Variants in SCNN1G observed in about 807,000 individuals in gnomAD.
The protein encoded by SCNN1G is epithelial sodium channel subunit gamma.
A neutral mutation model predicts 64.6 loss-of-function variants in SCNN1G; 27 were observed. That is an observed-to-expected ratio of 0.42 (90% CI 0.31 to 0.58). The LOEUF (loss-of-function observed/expected upper bound fraction) is 0.58. SCNN1G is among the 20% of genes least tolerant of loss of function. The pLI is 0.18. For missense variants in SCNN1G, 743 were observed against 823.4 expected (o/e 0.90, Z 1.19); for synonymous variants, 330 against 314.2 (o/e 1.05, Z -0.53).
rs1356414495 is a variant in SCNN1G at position 23,216,545 on chromosome 16, C to T, written c.*1076C>T. On this transcript the variant is annotated 3_prime_UTR_variant, in exon 13 of 13. Transcript: ENST00000300061. The stretch of plus-strand genomic sequence containing the variant: ...AGGGTGTTAGGTACTGTTTTAAGCA[C>T]CTAGATAGGTTAGCATAGGGGACTG... 1 of 152,154 alleles carries T rather than the reference C, an allele frequency of 6.6e-6. No individual in the cohort carries two copies. Among genetic ancestry groups the T allele is most frequent in the Non-Finnish European group, 1.5e-5 (1 of 68,018 alleles). 9.4% of individuals were successfully genotyped at this position (152,154 alleles called of 1,614,324 possible).
In SCNN1G at chr16:23,213,069, C is replaced by A. The variant is rs762011860; in HGVS notation, c.1432-33C>A. On this transcript the variant is annotated intron_variant, in intron 10 of 12. Coordinates refer to ENST00000300061, the MANE Select transcript of SCNN1G (RefSeq NM_001039.4). ...GAGGCTGGCCCTAGCCTCTCAGGCA[C>A]CCTCAGGCCCACGCTTTCTCTCTCC... The A allele has an allele frequency of 4.4e-6, 7 of 1,603,232 alleles. No individual in the cohort carries two copies. In the South Asian group the frequency reaches 4.4e-5, roughly 10 times the overall value.
chr16:23,192,581 G>A, intron 4 of SCNN1G, 39 bp downstream of exon 4: 2 of 1,552,476 alleles, frequency 1.3e-6, no homozygotes, highest in Non-Finnish European at 1.8e-6. Flanking sequence ...TCTAAGGACT[G>A]GCAGCTCTGA....
At chr16:23,191,417 C>T (rs367827799) in intron 3 of SCNN1G, among the ~76,000 whole-genome samples, 6 of 150,902 alleles carry the variant, frequency 4.0e-5, no homozygotes, top group African/African-American at 1.5e-4. Flanking sequence ...CCAAAATCAA[C>T]TCTTTATATA....
intron 6 of SCNN1G, among the ~76,000 whole-genome samples, chr16:23,209,136 C>T (rs1363901349): frequency 1.3e-5 from 2 of 152,100 alleles, no homozygotes; most frequent in Admixed American, 6.6e-5. Context: ...CCACTTCATC[C>T]TCTTTTTTAA....
At chr16:23,211,303 T>C (rs11643449) in intron 7 of SCNN1G, among the ~76,000 whole-genome samples, 32,234 of 152,220 alleles carry the variant, frequency 0.21, 3,535 homozygotes, top group African/African-American at 0.25. Flanking sequence ...ATAAGCTCCA[T>C]GGATATTGTG....
At chr16:23,197,521 T>C in intron 6 of SCNN1G, 94 bp downstream of exon 6, 1 of 1,171,176 alleles carries the variant, frequency 8.5e-7, no homozygotes, top group Admixed American at 1.8e-5. Context: ...GAAAAGGGTG[T>C]TTGTTTCAAA....
rs200985912 is a variant in SCNN1G, at chr16:23,189,452, G to A, written c.399G>A (p.Glu133=). 237 of 1,614,178 alleles carry A rather than the reference G, an allele frequency of 1.5e-4. No homozygotes were observed. The highest frequency in any genetic ancestry group is 1.8e-4 in the Non-Finnish European group (210 of 1,180,022). The part of the protein sequence containing the change: ...EALKSLYGFP[E]SRKRREAESW... ...TGAAGTCCCTGTATGGCTTTCCAGA[G>A]TCCCGGAAGCGCCGAGAGGCGGAGT... Residue 133 remains glutamate (E), a synonymous_variant, in exon 3 of 13, where the codon GAG becomes GAA. Transcript: ENST00000300061.
intron 6 of SCNN1G, among the ~76,000 whole-genome samples, chr16:23,207,369 C>T (rs1034466213): frequency 1.2e-4 from 18 of 152,222 alleles, no homozygotes; most frequent in Non-Finnish European, 1.8e-4. Flanking sequence ...ACCAAAGGAA[C>T]GCTTCTGCCC....
At chr16:23,192,586 C>G in intron 4 of SCNN1G, 44 bp downstream of exon 4, 1 of 1,512,684 alleles carries the variant, frequency 6.6e-7, no homozygotes, top group Non-Finnish European at 9.1e-7. Context: ...GGACTGGCAG[C>G]TCTGAGTACC....
At chr16:23,184,251 A>T (rs960396037) in intron 1 of SCNN1G, among the ~76,000 whole-genome samples, 1 of 152,002 alleles carries the variant, frequency 6.6e-6, no homozygotes, top group African/African-American at 2.4e-5. Flanking sequence ...GGTTCTGGGG[A>T]AGGGGCTGAT....
Position 23,215,081 on chromosome 16 carries a change from T to C in SCNN1G, c.1570-8T>C. On this transcript the variant is annotated splice_polypyrimidine_tract_variant and splice_region_variant and intron_variant, in intron 12 of 12. Coordinates refer to ENST00000300061, the MANE Select transcript of SCNN1G (RefSeq NM_001039.4). ...CCTCTTGATGGTGTGGCTTGGCCTG[T>C]CTTGCAGATTGAGATGCTTCTGTCC... is the stretch of plus-strand genomic sequence containing the variant. The C allele has an allele frequency of 6.2e-7, 1 of 1,613,948 alleles. No homozygotes were observed. The highest frequency in any genetic ancestry group is 2.2e-5 in the East Asian group (1 of 44,852).
intron 1 of SCNN1G, among the ~76,000 whole-genome samples, chr16:23,183,553 C>A (rs1959556433): frequency 6.6e-6 from 1 of 152,138 alleles, no homozygotes; most frequent in Non-Finnish European, 1.5e-5. Context: ...AGGGGGTGCA[C>A]GGAGCCGCTG....
intron 6 of SCNN1G, among the ~76,000 whole-genome samples, chr16:23,199,110 C>T (rs1174065625): frequency 1.3e-5 from 2 of 152,150 alleles, no homozygotes; most frequent in Admixed American, 1.3e-4. Flanking sequence ...CTCTCTTCCA[C>T]TCCCGACATC....
At chr16:23,184,494 T>TA (rs1217090685) in intron 1 of SCNN1G, among the ~76,000 whole-genome samples, 10 of 152,134 alleles carry the variant, frequency 6.6e-5, no homozygotes, top group Admixed American at 5.2e-4. Context: ...TTTTAAGTGA[T>TA]AAAAAAATAA....
chr16:23,207,476 C>T (rs150550623), intron 6 of SCNN1G, among the ~76,000 whole-genome samples: 1 of 152,360 alleles, frequency 6.6e-6, no homozygotes, highest in Non-Finnish European at 1.5e-5. Context: ...GTGCCCAGCC[C>T]AGCCCTGGTG....
intron 3 of SCNN1G, among the ~76,000 whole-genome samples, chr16:23,190,155 C>T (rs966578755): frequency 6.6e-6 from 1 of 151,946 alleles, no homozygotes; most frequent in African/African-American, 2.4e-5. Context: ...ACCTAGGTGA[C>T]TGGTTGATAG....
At position 23,192,332 on chromosome 16, in the gene SCNN1G, G is replaced by A. The variant is rs781381285; in HGVS notation, c.619-20G>A. ...CGATAGGACCGATGGCTTCAGCCTC[G>A]CATCTCCTCTTATTCACAGTGCTCA... is the stretch of plus-strand genomic sequence containing the variant. On this transcript the variant is annotated intron_variant, in intron 3 of 12. Coordinates refer to ENST00000300061, the MANE Select transcript of SCNN1G (RefSeq NM_001039.4). 32 of 1,607,234 alleles carry A rather than the reference G, an allele frequency of 2.0e-5. No homozygotes were observed. Among genetic ancestry groups the A allele is most frequent in the Middle Eastern group, 1.7e-4 (1 of 5,944 alleles).
At chr16:23,192,242 C>T in intron 3 of SCNN1G, 110 bp from the exon 4 acceptor site, 1 of 905,390 alleles carries the variant, frequency 1.1e-6, no homozygotes, top group Non-Finnish European at 1.8e-6. Context: ...GATATCCAAC[C>T]TGTTCCCCTG....
At chr16:23,214,532 C>G (rs1267098385) in intron 11 of SCNN1G, among the ~76,000 whole-genome samples, 180 bp from the exon 12 acceptor site, 2 of 152,164 alleles carry the variant, frequency 1.3e-5, no homozygotes, top group African/African-American at 4.8e-5. Flanking sequence ...TGGACCAGAT[C>G]CAGGCTGGAG....
Sources: gnomAD v4.1 joint callset for allele counts (sites outside exome capture counted in the v4.1 genomes callset) on GRCh38, gnomAD v4.1.1 for gene constraint, MANE v1.5 for transcripts, NCBI Gene and HGNC (gene_info 2026-07-23, HGNC 2026-07-21) for gene names.